Variants in KIZ observed in about 807,000 individuals in gnomAD.
The protein encoded by KIZ is kizuna centrosomal protein, also known as centrosomal protein kizuna.
A neutral mutation model predicts 79.6 loss-of-function variants in KIZ; 68 were observed. The observed-to-expected ratio is 0.85, with a 90% confidence interval of 0.70 to 1.05. The LOEUF is 1.05. KIZ is among the 50% of genes least tolerant of loss of function. The pLI, the probability that KIZ is intolerant of heterozygous loss-of-function variation, is 0.00. For synonymous variants in KIZ, 280 were observed against 281.8 expected (o/e 0.99, Z 0.06); for missense variants, 797 against 800.4 (o/e 1.00, Z 0.05).
chr20:21,151,993 C>A (rs1288149280), intron 4 of KIZ, among the ~76,000 whole-genome samples: 1 of 152,064 alleles, frequency 6.6e-6, no homozygotes, highest in East Asian at 1.9e-4. Context: ...CATATGGCGC[C>A]CAGAATCCAG....
At chr20:21,147,733 T>TA (rs2032918823) in intron 4 of KIZ, among the ~76,000 whole-genome samples, 1 of 152,198 alleles carries the variant, frequency 6.6e-6, no homozygotes, top group African/African-American at 2.4e-5. Context: ...TAGTGTGTGA[T>TA]AAAGTGCCAG....
At position 21,153,979 on chromosome 20, in the gene KIZ, T is replaced by TA. The variant is rs567829649; in HGVS notation, c.406-7888dup. On this transcript the variant is annotated intron_variant, in intron 4 of 12. Coordinates refer to ENST00000619189, the MANE Select transcript of KIZ (RefSeq NM_018474.6). ...TTCAGTGTGTGATACGTGTATCATG[T>TA]AAAATATGTATAATAATTTTATAAT... 2.7e-3 allele frequency: 410 copies of TA among 152,348 alleles called. 4 individuals carry two copies. The highest frequency in any genetic ancestry group is 9.5e-3 in the African/African-American group (396 of 41,586). The allele number at this position is 152,348 out of a possible 1,614,324, so 9.4% of individuals were successfully genotyped here.
At chr20:21,136,647 A>T in intron 3 of KIZ, 95 bp downstream of exon 3, 1 of 848,066 alleles carries the variant, frequency 1.2e-6, no homozygotes. Context: ...TACCCAGGCT[A>T]GACTTGAACA....
chr20:21,233,922 G>A (rs2036913813), intron 11 of KIZ, among the ~76,000 whole-genome samples: 1 of 152,146 alleles, frequency 6.6e-6, no homozygotes, highest in African/African-American at 2.4e-5. Context: ...CCATATTTTT[G>A]AAGGAAGTGG....
Position 21,229,115 on chromosome 20 carries a change from GGTAA to G in KIZ, c.1783+6_1783+9del. The G allele has an allele frequency of 6.3e-7, 1 of 1,582,504 alleles. No homozygotes were observed. The highest frequency in any genetic ancestry group is 8.7e-7 in the Non-Finnish European group (1 of 1,152,868). On this transcript the variant is annotated splice_donor_variant and splice_donor_region_variant and intron_variant, in intron 10 of 12. Transcript: ENST00000619189. LOFTEE classifies it high-confidence loss of function. ...AGATGCTTCTGTGTCACACTTGTCAGGTAAGTAAGAGCAGATGGCAGTGTCCAGG... is the reference window on the plus strand; with the variant it reads ...AGATGCTTCTGTGTCACACTTGTCAGGTAAGAGCAGATGGCAGTGTCCAGG...
chr20:21,200,119 C>T (rs2035530133), intron 6 of KIZ, among the ~76,000 whole-genome samples: 1 of 152,180 alleles, frequency 6.6e-6, no homozygotes, highest in Non-Finnish European at 1.5e-5. Context: ...TCACACTGGC[C>T]TAGTGTCATA....
chr20:21,199,763 T>C (rs1468835238), intron 6 of KIZ, among the ~76,000 whole-genome samples: 2 of 152,222 alleles, frequency 1.3e-5, no homozygotes, highest in Non-Finnish European at 2.9e-5. Context: ...AACACTGGTT[T>C]GGAGAGAATG....
intron 4 of KIZ, among the ~76,000 whole-genome samples, chr20:21,158,207 C>CA (rs2033477574): frequency 2.0e-5 from 3 of 152,058 alleles, no homozygotes; most frequent in South Asian, 4.1e-4. Context: ...GAATAGAAGA[C>CA]ACAGTATATT....
intron 11 of KIZ, among the ~76,000 whole-genome samples, chr20:21,235,428 G>A (rs766860092): frequency 1.9e-4 from 29 of 152,160 alleles, no homozygotes; most frequent in Non-Finnish European, 3.8e-4. Context: ...AAATCATTTT[G>A]TGGTTGAGTG....
At chr20:21,199,424 GT>G (rs2035496908) in intron 6 of KIZ, among the ~76,000 whole-genome samples, 1 of 152,212 alleles carries the variant, frequency 6.6e-6, no homozygotes, top group Non-Finnish European at 1.5e-5. Context: ...GTTCTCTGCT[GT>G]CAGCATTATG....
intron 6 of KIZ, among the ~76,000 whole-genome samples, chr20:21,172,872 G>A (rs953334356): frequency 6.6e-5 from 10 of 152,140 alleles, no homozygotes; most frequent in Non-Finnish European, 1.3e-4. Flanking sequence ...GAGAGAGATG[G>A]GAGAGGGATG....
rs1449212017 is a variant in KIZ at position 21,215,575 on chromosome 20, A to G, written c.1613-8A>G. 4 of 1,573,884 alleles carry G rather than the reference A, an allele frequency of 2.5e-6. No individual in the cohort carries two copies. The highest frequency in any genetic ancestry group is 2.7e-5 in the African/African-American group (2 of 74,042). On this transcript the variant is annotated splice_polypyrimidine_tract_variant and splice_region_variant and intron_variant, in intron 8 of 12. Transcript: ENST00000619189. ...ATACTTTTTTTTTATTATGCATTCA[A>G]TTTTTAGAAGTTTCAAGTGGCTGTG...
chr20:21,137,703 C>T (rs373623303), intron 3 of KIZ, among the ~76,000 whole-genome samples: 15 of 151,950 alleles, frequency 9.9e-5, no homozygotes, highest in African/African-American at 2.7e-4. Flanking sequence ...AGCACTTGAG[C>T]GTGGATCTCC....
At chr20:21,207,939 C>T (rs1422763467) in intron 7 of KIZ, among the ~76,000 whole-genome samples, 1 of 152,120 alleles carries the variant, frequency 6.6e-6, no homozygotes, top group Non-Finnish European at 1.5e-5. Flanking sequence ...TCTCAAACTC[C>T]TGACCTCGGG....
chr20:21,156,283 T>C (rs545048305), intron 4 of KIZ, among the ~76,000 whole-genome samples: 10 of 152,232 alleles, frequency 6.6e-5, no homozygotes, highest in Non-Finnish European at 5.9e-5. Flanking sequence ...AGTTTTTCCA[T>C]TAATGTCTTC....
At chr20:21,183,927 A>G (rs1297666937) in intron 6 of KIZ, among the ~76,000 whole-genome samples, 1 of 152,118 alleles carries the variant, frequency 6.6e-6, no homozygotes, top group Non-Finnish European at 1.5e-5. Context: ...TGGCATGCTG[A>G]ATCAGAGGCT....
chr20:21,133,780 C>T (rs148300775), intron 2 of KIZ, among the ~76,000 whole-genome samples: 86 of 152,244 alleles, frequency 5.6e-4, no homozygotes, highest in South Asian at 5.2e-3. Context: ...CTGGGCTGAC[C>T]GAAATAAGAG....
chr20:21,179,221 T>C (rs1054203543), intron 6 of KIZ, among the ~76,000 whole-genome samples: 11 of 151,196 alleles, frequency 7.3e-5, no homozygotes, highest in African/African-American at 2.2e-4. Flanking sequence ...TTTTTTTTTT[T>C]TTTTGATGGG....
intron 9 of KIZ, among the ~76,000 whole-genome samples, chr20:21,225,270 A>G (rs1272888789): frequency 6.6e-6 from 1 of 152,198 alleles, no homozygotes; most frequent in African/African-American, 2.4e-5. Flanking sequence ...AAGATTCAGA[A>G]CCGAAACCTT....
Sources: gnomAD v4.1 joint callset for allele counts (sites outside exome capture counted in the v4.1 genomes callset) on GRCh38, gnomAD v4.1.1 for gene constraint, MANE v1.5 for transcripts, NCBI Gene and HGNC (gene_info 2026-07-23, HGNC 2026-07-21) for gene names.